The following MAK16 variants were observed in gnomAD, a reference collection of about 807,000 sequenced individuals.
MAK16 encodes the protein MAK16 homolog, also known as protein MAK16 homolog.
MAK16 carries 12 observed loss-of-function variants against 49.9 expected under a neutral mutation model. The observed-to-expected ratio is 0.24, with a 90% CI of 0.15 to 0.39. The LOEUF (loss-of-function observed/expected upper bound fraction) is 0.39. Among genes scored for constraint, MAK16 ranks in the 10% least tolerant of loss-of-function variants. The pLI is 1.00. For missense variants in MAK16, 292 were observed against 363.7 expected (o/e 0.80, Z 1.60); for synonymous variants, 115 against 126.4 (o/e 0.91, Z 0.60).
At chr8:33,492,770 C>T (rs1808797550) in intron 6 of MAK16, among the ~76,000 whole-genome samples, 2 of 151,890 alleles carry the variant, frequency 1.3e-5, no homozygotes, top group Admixed American at 1.3e-4. Context: ...TGTTCTTATG[C>T]CATTACTATA....
Position 33,498,565 on chromosome 8 carries a change from G to T in MAK16, c.839G>T (p.Arg280Leu). ...TTGAGAGGACCACTGCAGAGAAAAC[G>T]AGCCTATGTGGAAATAGAATACGAG... ...MPLRGPLQRK[R>L]AYVEIEYEQE... Residue 280 changes from arginine (R) to leucine (L), a missense_variant, in exon 10 of 10, where the codon CGA becomes CTA. Transcript: ENST00000360128. The T allele has an allele frequency of 6.2e-7, 1 of 1,614,052 alleles. No homozygotes were observed. The highest frequency in any genetic ancestry group is 1.1e-5 in the South Asian group (1 of 91,078).
At chr8:33,491,421 C>G (rs996201255) in intron 6 of MAK16, among the ~76,000 whole-genome samples, 4 of 152,176 alleles carry the variant, frequency 2.6e-5, no homozygotes, top group Non-Finnish European at 4.4e-5. Flanking sequence ...TTCCCTTTCT[C>G]CACATCCTCT....
chr8:33,500,043 C>A lies in MAK16; in HGVS notation c.*1414C>A. 1 of 238,914 alleles carries A rather than the reference C, an allele frequency of 4.2e-6. No homozygotes were observed. The highest frequency in any genetic ancestry group is 8.1e-6 in the Non-Finnish European group (1 of 123,270). The allele number at this position is 238,914 out of a possible 1,614,324, so 14.8% of individuals were successfully genotyped here. A position where few individuals can be genotyped will look rare whatever the true frequency, so the allele number is the denominator to read the frequency against. On this transcript the variant is annotated 3_prime_UTR_variant, in exon 10 of 10. Coordinates refer to ENST00000360128, the MANE Select transcript of MAK16 (RefSeq NM_032509.4). ...AGACTAGAACAGAACTTAAATTTTA[C>A]AAACTTTTGATCATAATGCTTTTGC... is the stretch of plus-strand genomic sequence containing the variant.
Position 33,485,217 on chromosome 8 carries a change from A to T in MAK16, c.11A>T (p.Asp4Val). 2 of 1,614,116 alleles carry T rather than the reference A, an allele frequency of 1.2e-6. No homozygotes were observed. Among genetic ancestry groups the T allele is most frequent in the Non-Finnish European group, 1.7e-6 (2 of 1,180,024 alleles). Residue 4 changes from aspartate (D) to valine (V), a missense_variant, in exon 1 of 10, where the codon GAT becomes GTT. Transcript: ENST00000360128. MQS[D>V]DVIWDTLGNK... ...TGAGCCGCGGACACCATGCAGTCGG[A>T]TGATGTGAGTCTCCTCCGGTTGTTC...
Position 33,485,956 on chromosome 8 carries a change from G to A in MAK16, c.15+735G>A, listed in dbSNP as rs115446470. 5.7e-3 allele frequency among the ~76,000 whole-genome samples: 868 copies of A among 152,300 alleles called. 12 individuals carry two copies. Among genetic ancestry groups the A allele is most frequent in the African/African-American group, 0.02 (825 of 41,564 alleles). On this transcript the variant is annotated intron_variant, in intron 1 of 9. Transcript: ENST00000360128. ...GTTTCTCTGAACAGAAGATGTTTGA[G>A]TTGAGATCTAAAAGATAAGAATAAG... is the stretch of plus-strand genomic sequence containing the variant.
intron 6 of MAK16, among the ~76,000 whole-genome samples, chr8:33,492,484 A>T (rs949640446): frequency 3.3e-5 from 5 of 152,110 alleles, no homozygotes; most frequent in African/African-American, 1.2e-4. Flanking sequence ...TTTTGCCCAG[A>T]TCTATGACCT....
At chr8:33,493,989 A>G (rs1195974786) in intron 6 of MAK16, among the ~76,000 whole-genome samples, 1 of 150,920 alleles carries the variant, frequency 6.6e-6, no homozygotes, top group Non-Finnish European at 1.5e-5. Flanking sequence ...GAAGACACAG[A>G]TTAAGCGTAT....
Position 33,495,598 on chromosome 8 carries a change from G to C in MAK16, c.504G>C (p.Glu168Asp). Reference protein sequence around the residue: ...LDNAIEKELLERLKQDTYGDI... With the variant: ...LDNAIEKELLDRLKQDTYGDI... The stretch of plus-strand genomic sequence containing the variant: ...ATGCCATTGAGAAGGAATTACTGGA[G>C]AGACTGAAACAAGATACGGTGAGAA... The change falls in exon 7 of 10, where the codon GAG (glutamate) becomes GAC (aspartate). Residue 168 changes from glutamate to aspartate, a missense_variant. Physicochemically the swap from Glu to Asp is conservative, Grantham distance 45. Coordinates refer to ENST00000360128, the MANE Select transcript of MAK16 (RefSeq NM_032509.4). The C allele has an allele frequency of 6.2e-7, 1 of 1,600,304 alleles. No homozygotes were observed. Among genetic ancestry groups the C allele is most frequent in the South Asian group, 1.1e-5 (1 of 90,746 alleles).
chr8:33,491,668 CTA>C (rs1190786534), intron 6 of MAK16, among the ~76,000 whole-genome samples: 1 of 126,174 alleles, frequency 7.9e-6, no homozygotes, highest in African/African-American at 3.0e-5. Flanking sequence ...AGGTCTCACT[CTA>C]TTGTCCAGGC....
chr8:33,498,044 T>C (rs1033054613), intron 9 of MAK16, among the ~76,000 whole-genome samples: 6 of 148,422 alleles, frequency 4.0e-5, no homozygotes, highest in Admixed American at 1.4e-4. Flanking sequence ...TGCAGTGAGC[T>C]GAGAGCGCAC....
At position 33,497,648 on chromosome 8, in the gene MAK16, C is replaced by G. The variant is rs551722177; in HGVS notation, c.705+351C>G. On this transcript the variant is annotated intron_variant, in intron 9 of 9. Coordinates refer to ENST00000360128, the MANE Select transcript of MAK16 (RefSeq NM_032509.4). The stretch of plus-strand genomic sequence containing the variant: ...GCTGGAATTACAGGCATGTGCCACT[C>G]CACCCGGCTAATTTTTTGTATTTTT... 1.4e-4 allele frequency among the ~76,000 whole-genome samples: 21 copies of G among 151,778 alleles called. 1 individual carries two copies. The highest frequency in any genetic ancestry group is 8.3e-4 in the South Asian group (4 of 4,806).
Position 33,499,357 on chromosome 8 carries a change from G to A in MAK16, c.*728G>A, listed in dbSNP as rs1808978689. On this transcript the variant is annotated 3_prime_UTR_variant, in exon 10 of 10. Coordinates refer to ENST00000360128, the MANE Select transcript of MAK16 (RefSeq NM_032509.4). The stretch of plus-strand genomic sequence containing the variant: ...CCTTTTGCTTGATTCTTCTTCCTTG[G>A]TATCATATTCAAAGGAGGAAAGAAT... 1 of 1,016,740 alleles carries A rather than the reference G, an allele frequency of 9.8e-7. No individual in the cohort carries two copies. Among genetic ancestry groups the A allele is most frequent in the Admixed American group, 1.9e-5 (1 of 51,518 alleles). 63.0% of individuals were successfully genotyped at this position (1,016,740 alleles called of 1,614,324 possible).
At chr8:33,498,333 T>A in intron 9 of MAK16, 99 bp from the exon 10 acceptor site, 30 of 827,226 alleles carry the variant, frequency 3.6e-5, no homozygotes, top group Non-Finnish European at 4.8e-5. Flanking sequence ...CATAGACAAA[T>A]CAATGCCCTA....
rs765248619 is a variant in MAK16, at chr8:33,500,284, A to G, written c.*1655A>G. On this transcript the variant is annotated 3_prime_UTR_variant, in exon 10 of 10. Transcript: ENST00000360128. ...TATAATCAATCATGGGAATTACATA[A>G]GGATAATGAGGCCCAACTGAAACCA... is the stretch of plus-strand genomic sequence containing the variant. 1.2e-6 allele frequency: 2 copies of G among 1,610,194 alleles called. No homozygotes were observed. The highest frequency in any genetic ancestry group is 2.2e-5 in the South Asian group (2 of 90,828).
rs991608935 is a variant in MAK16 at position 33,489,778 on chromosome 8, G to C, written c.393-507G>C. On this transcript the variant is annotated intron_variant, in intron 5 of 9. Transcript: ENST00000360128. The surrounding 1 kb of genome is among the most constrained non-coding windows in gnomAD (Gnocchi z 4.2). ...ACAGGAATGTAAGAACTTTACTCTG[G>C]ATTCACTGAAAACTAATTTTTAAAA... 6.6e-6 allele frequency among the ~76,000 whole-genome samples: 1 copy of C among 152,128 alleles called. No individual in the cohort carries two copies. The highest frequency in any genetic ancestry group is 1.5e-5 in the Non-Finnish European group (1 of 68,032).
Position 33,498,677 on chromosome 8 carries a change from T to TTG in MAK16, c.*49_*50insGT. Reference sequence around the variant, plus strand: ...CAGGACTGAACATGCAGAACTGTTTTTTTTTTTTTTTTATCTTAAACACAT... The same window carrying TTG: ...CAGGACTGAACATGCAGAACTGTTTTTGTTTTTTTTTTTTATCTTAAACACAT... On this transcript the variant is annotated 3_prime_UTR_variant, in exon 10 of 10. Coordinates refer to ENST00000360128, the MANE Select transcript of MAK16 (RefSeq NM_032509.4). 6.7e-7 allele frequency: 1 copy of TTG among 1,503,456 alleles called. No individual in the cohort carries two copies. 93.1% of individuals were successfully genotyped at this position (1,503,456 alleles called of 1,614,324 possible).
At chr8:33,490,153 G>A in intron 5 of MAK16, 132 bp from the exon 6 acceptor site, 1 of 675,284 alleles carries the variant, frequency 1.5e-6, no homozygotes, top group Non-Finnish European at 2.5e-6. Flanking sequence ...AATGCCTGAA[G>A]CTCAGCCATC....
rs201215286 is a variant in MAK16 at position 33,489,112 on chromosome 8, G to A, written c.365G>A (p.Arg122Gln). 8.8e-5 allele frequency: 142 copies of A among 1,612,842 alleles called. No individual in the cohort carries two copies. Among genetic ancestry groups the A allele is most frequent in the Middle Eastern group, 1.6e-4 (1 of 6,078 alleles). ...ACCAAGATCACCCAATACCTAATTCGAATTAGAAAACTTACACTAAAGCGA... is the reference window on the plus strand; with the variant it reads ...ACCAAGATCACCCAATACCTAATTCAAATTAGAAAACTTACACTAAAGCGA... ...RFTKITQYLI[R>Q]IRKLTLKRQR... Residue 122 changes from arginine to glutamine, a missense_variant, in exon 5 of 10, where the codon CGA becomes CAA. Coordinates refer to ENST00000360128, the MANE Select transcript of MAK16 (RefSeq NM_032509.4). The surrounding 1 kb of genome is among the most constrained non-coding windows in gnomAD (Gnocchi z 4.2).
chr8:33,488,670 G>T (rs1808724674), intron 3 of MAK16, 41 bp downstream of exon 3: 1 of 1,611,422 alleles, frequency 6.2e-7, no homozygotes, highest in Non-Finnish European at 8.5e-7. Context: ...CTGCTCCACA[G>T]CTTTTACAGG....
Sources: allele counts gnomAD v4.1 joint callset (sites outside exome capture counted in the v4.1 genomes callset), GRCh38; gene constraint gnomAD v4.1.1; non-coding constraint Gnocchi (gnomAD v3.1); transcripts MANE v1.5; gene names NCBI Gene and HGNC (gene_info 2026-07-23, HGNC 2026-07-21).